The following SPIDR variants were observed in gnomAD, a reference collection of about 807,000 sequenced individuals.
SPIDR encodes the protein DNA repair-scaffolding protein.
SPIDR carries 93 observed loss-of-function variants against 104.6 expected under a neutral mutation model. The ratio of observed to expected loss-of-function variants is 0.89; its 90% confidence interval spans 0.75 to 1.06. SPIDR has a LOEUF of 1.06. SPIDR is among the 50% of genes least tolerant of loss of function. SPIDR has a pLI of 0.00. For synonymous variants in SPIDR, 431 were observed against 416.9 expected (o/e 1.03, Z -0.41); for missense variants, 1,154 against 1,111.2 (o/e 1.04, Z -0.55).
intron 8 of SPIDR, among the ~76,000 whole-genome samples, chr8:47,570,268 A>G (rs546796720): frequency 3.3e-5 from 5 of 152,352 alleles, no homozygotes; most frequent in East Asian, 1.9e-4. Flanking sequence ...AAACCCCTCT[A>G]TGGTCAGTTG....
chr8:47,667,902 A>G (rs2154468419), intron 10 of SPIDR: 1 of 152,358 alleles, frequency 6.6e-6, no homozygotes, highest in South Asian at 2.1e-4. Flanking sequence ...AAACTTGAAA[A>G]AAACAAATGT....
At chr8:47,557,988 C>T (rs773124763) in intron 8 of SPIDR, among the ~76,000 whole-genome samples, 5 of 152,110 alleles carry the variant, frequency 3.3e-5, no homozygotes, top group East Asian at 1.9e-4. Flanking sequence ...AAAATGAAAT[C>T]GATGGCCTTT....
At chr8:47,441,100 G>A (rs970133576) in intron 8 of SPIDR, among the ~76,000 whole-genome samples, 4 of 152,052 alleles carry the variant, frequency 2.6e-5, no homozygotes, top group Non-Finnish European at 5.9e-5. Context: ...GAGCAGCCTT[G>A]TTTTAAGAGC....
At chr8:47,630,608 C>T (rs1430644632) in intron 10 of SPIDR, among the ~76,000 whole-genome samples, 1 of 152,190 alleles carries the variant, frequency 6.6e-6, no homozygotes, top group Non-Finnish European at 1.5e-5. Flanking sequence ...CCTGGGTGAT[C>T]TGAAACTGCC....
chr8:47,570,042 A>T (rs2058334025), intron 8 of SPIDR, among the ~76,000 whole-genome samples: 1 of 152,216 alleles, frequency 6.6e-6, no homozygotes, highest in Non-Finnish European at 1.5e-5. Context: ...TCCTATTAGA[A>T]TCCCATCTGG....
intron 6 of SPIDR, 50 bp downstream of exon 6, chr8:47,396,676 A>G (rs377584458): frequency 2.5e-5 from 38 of 1,503,800 alleles, no homozygotes; most frequent in Non-Finnish European, 3.3e-5. Flanking sequence ...CTCTTTCTTT[A>G]AAAACCCAAA....
chr8:47,280,910 A>C (rs1354531552), intron 2 of SPIDR, among the ~76,000 whole-genome samples: 1 of 152,196 alleles, frequency 6.6e-6, no homozygotes, highest in Non-Finnish European at 1.5e-5. Context: ...ATTTACTAAG[A>C]ATGTTCTCAG....
chr8:47,466,385 A>G (rs1176825286), intron 8 of SPIDR, among the ~76,000 whole-genome samples: 2 of 152,208 alleles, frequency 1.3e-5, no homozygotes, highest in Admixed American at 6.5e-5. Context: ...AAACCGTACA[A>G]TTACATGGAA....
chr8:47,627,261 A>G (rs977714572), intron 10 of SPIDR, among the ~76,000 whole-genome samples: 5 of 152,104 alleles, frequency 3.3e-5, no homozygotes, highest in Admixed American at 1.3e-4. Flanking sequence ...GCGGGGAGGG[A>G]TAGCATTAGG....
At chr8:47,274,616 C>T (rs925406392) in intron 1 of SPIDR, among the ~76,000 whole-genome samples, 4 of 150,816 alleles carry the variant, frequency 2.7e-5, no homozygotes, top group Admixed American at 1.3e-4. Context: ...CTCGCTCTAT[C>T]ACCCATGCTA....
Position 47,506,884 on chromosome 8 carries a change from C to A in SPIDR, c.1097+66342C>A, listed in dbSNP as rs377685066. Among the ~76,000 whole-genome samples the A allele has an allele frequency of 3.8e-3, 578 of 152,288 alleles. 4 individuals are homozygous for A. The highest frequency in any genetic ancestry group is 0.023 in the South Asian group (110 of 4,816). ...CCTCCAAATCGATTGTTGTTCCTAG[C>A]AAGTTGACACTCCACTGTGTTGGGA... is the stretch of plus-strand genomic sequence containing the variant. On this transcript the variant is annotated intron_variant, in intron 8 of 19. Coordinates refer to ENST00000297423, the MANE Select transcript of SPIDR (RefSeq NM_001080394.4).
At chr8:47,309,791 C>A (rs1329203612) in intron 5 of SPIDR, among the ~76,000 whole-genome samples, 1 of 152,192 alleles carries the variant, frequency 6.6e-6, no homozygotes, top group African/African-American at 2.4e-5. Context: ...GTAATCCCAG[C>A]ACTTTGGGAG....
intron 16 of SPIDR, among the ~76,000 whole-genome samples, chr8:47,726,765 G>A (rs573560536): frequency 1.3e-5 from 2 of 152,168 alleles, no homozygotes; most frequent in South Asian, 4.2e-4. Flanking sequence ...ACAGGGTCTT[G>A]CCCTGTCACC....
At chr8:47,282,758 C>G (rs2038042614) in intron 2 of SPIDR, among the ~76,000 whole-genome samples, 1 of 152,254 alleles carries the variant, frequency 6.6e-6, no homozygotes. Context: ...GTATTCACAA[C>G]TGGCTTAACG....
chr8:47,569,555 A>G (rs1275933199), intron 8 of SPIDR, among the ~76,000 whole-genome samples: 3 of 152,214 alleles, frequency 2.0e-5, no homozygotes, highest in South Asian at 2.1e-4. Context: ...CAGGTCTTAC[A>G]GAGTATATTT....
At chr8:47,568,124 G>A (rs1219805303) in intron 8 of SPIDR, among the ~76,000 whole-genome samples, 1 of 151,752 alleles carries the variant, frequency 6.6e-6, no homozygotes, top group East Asian at 1.9e-4. Flanking sequence ...ATTTTTTAAG[G>A]CATTTTCCCA....
At chr8:47,461,341 T>G (rs2073895372) in intron 8 of SPIDR, among the ~76,000 whole-genome samples, 1 of 152,198 alleles carries the variant, frequency 6.6e-6, no homozygotes, top group African/African-American at 2.4e-5. Flanking sequence ...TTGTTCTTTG[T>G]TTTAGATGGA....
chr8:47,691,317 A>G, intron 11 of SPIDR, among the ~76,000 whole-genome samples: 1 of 148,080 alleles, frequency 6.8e-6, no homozygotes, highest in East Asian at 1.9e-4. Flanking sequence ...AAAAGAGAGA[A>G]AAGAAAAAGA....
intron 8 of SPIDR, among the ~76,000 whole-genome samples, chr8:47,506,811 A>G (rs2081557775): frequency 6.6e-6 from 1 of 152,184 alleles, no homozygotes; most frequent in South Asian, 2.1e-4. Flanking sequence ...TCCTGTCATG[A>G]TAGAAGGGAT....
Sources: allele counts gnomAD v4.1 joint callset (sites outside exome capture counted in the v4.1 genomes callset), GRCh38; gene constraint gnomAD v4.1.1; transcripts MANE v1.5; gene names NCBI Gene and HGNC (gene_info 2026-07-23, HGNC 2026-07-21).